PLCG2: variants seen among roughly 807,000 people sequenced by gnomAD.
PLCG2 encodes 1-phosphatidylinositol 4,5-bisphosphate phosphodiesterase gamma-2.
A neutral mutation model predicts 175.6 loss-of-function variants in PLCG2; 69 were observed. The observed-to-expected ratio is 0.39, with a 90% confidence interval of 0.32 to 0.48. The LOEUF (loss-of-function observed/expected upper bound fraction) is 0.48. Among genes scored for constraint, PLCG2 ranks in the 20% least tolerant of loss-of-function variants. PLCG2 has a pLI of 0.91. For missense variants in PLCG2, 1,798 were observed against 1,650.9 expected (o/e 1.09, Z -1.54); for synonymous variants, 827 against 624.0 (o/e 1.33, Z -4.85).
At chr16:81,827,692 C>T (rs1225380260) in intron 2 of PLCG2, among the ~76,000 whole-genome samples, 1 of 152,054 alleles carries the variant, frequency 6.6e-6, no homozygotes, top group Non-Finnish European at 1.5e-5. Flanking sequence ...TGCATGTGTG[C>T]CTGGTGTAAA....
intron 24 of PLCG2, among the ~76,000 whole-genome samples, chr16:81,929,535 A>G (rs1376436732): frequency 1.3e-5 from 2 of 152,140 alleles, no homozygotes; most frequent in South Asian, 2.1e-4. Flanking sequence ...AGCCGGGACT[A>G]CAGGCATGGG....
chr16:81,843,239 C>A (rs1481964020), intron 2 of PLCG2, among the ~76,000 whole-genome samples: 2 of 152,140 alleles, frequency 1.3e-5, no homozygotes, highest in African/African-American at 4.8e-5. Flanking sequence ...GCAGACAAAG[C>A]CCTCCTTGAC....
intron 24 of PLCG2, 146 bp from the exon 25 acceptor site, chr16:81,931,351 T>C (rs979446727): frequency 7.6e-6 from 5 of 660,778 alleles, no homozygotes; most frequent in African/African-American, 7.2e-5. Flanking sequence ...CTTACCCCGA[T>C]GGAAAGTAGA....
chr16:81,940,101 T>G (rs748743758), intron 30 of PLCG2, 42 bp downstream of exon 30: 8 of 1,541,196 alleles, frequency 5.2e-6, no homozygotes, highest in Non-Finnish European at 7.1e-6. Context: ...TGGGCTGGCG[T>G]TGTACTTTGG....
rs777064324 is a variant in PLCG2, at chr16:81,822,279, G to A, written c.194-32165G>A. Among the ~76,000 whole-genome samples the A allele has an allele frequency of 2.8e-4, 42 of 152,098 alleles. 1 individual carries two copies. The highest frequency in any genetic ancestry group is 8.8e-5 in the Non-Finnish European group (6 of 68,026). On this transcript the variant is annotated intron_variant, in intron 2 of 32. Transcript: ENST00000564138. ...TCAGTGGACAGGGTGTTGAAGGGTC[G>A]GCATAGGTGGTAAGCATGATTGATG...
At chr16:81,788,129 T>G (rs1199973861) in intron 2 of PLCG2, among the ~76,000 whole-genome samples, 1 of 152,226 alleles carries the variant, frequency 6.6e-6, no homozygotes, top group Non-Finnish European at 1.5e-5. Context: ...TTCATCATTT[T>G]AGGAACTGTC....
chr16:81,775,470 C>G (rs1323999020), upstream of PLCG2, among the ~76,000 whole-genome samples: 2 of 152,130 alleles, frequency 1.3e-5, no homozygotes, highest in African/African-American at 4.8e-5. Context: ...TTCCCAGTAA[C>G]AATTCCTAAA....
At chr16:81,919,406 C>T in intron 19 of PLCG2, 78 bp from the exon 20 acceptor site, 1 of 1,120,954 alleles carries the variant, frequency 8.9e-7, no homozygotes, top group Non-Finnish European at 1.3e-6. Context: ...TAGGTTGTAT[C>T]TAATCAGTAG....
chr16:81,745,628 G>C lies in PLCG2; in HGVS notation c.-145+6243G>C, dbSNP rs143735234. Among the ~76,000 whole-genome samples the C allele has an allele frequency of 4.0e-3, 603 of 152,290 alleles. 4 individuals are homozygous for C. The highest frequency in any genetic ancestry group is 0.014 in the African/African-American group (575 of 41,564). The stretch of plus-strand genomic sequence containing the variant: ...CTGGGGATACAGAGATAAATTATGT[G>C]GATTTACTGTTCTCAAGGTGGGCAG... On this transcript the variant is annotated intron_variant, in intron 1 of 5. Transcript: ENST00000565054.
intron 2 of PLCG2, among the ~76,000 whole-genome samples, chr16:81,834,635 C>A (rs893127545): frequency 6.8e-5 from 9 of 132,588 alleles, no homozygotes; most frequent in South Asian, 2.3e-4. Context: ...AGAGCTGGGG[C>A]TCCTTGAGGG....
chr16:81,776,556 C>T (rs751722782), upstream of PLCG2, among the ~76,000 whole-genome samples: 85 of 152,212 alleles, frequency 5.6e-4, no homozygotes, highest in African/African-American at 1.6e-3. Flanking sequence ...TTGATGATGA[C>T]GACGATTGTT....
chr16:81,900,915 C>T (rs1909123023), intron 14 of PLCG2, 135 bp downstream of exon 14: 1 of 720,486 alleles, frequency 1.4e-6, no homozygotes. Flanking sequence ...CAAATCTGCT[C>T]TCCTTACTAA....
intron 2 of PLCG2, among the ~76,000 whole-genome samples, chr16:81,832,075 C>T (rs1018660915): frequency 6.6e-6 from 1 of 150,642 alleles, no homozygotes; most frequent in Non-Finnish European, 1.5e-5. Flanking sequence ...TTGTCGTCCT[C>T]CGGCCTCAGT....
At chr16:81,791,388 T>C (rs1911224389) in intron 2 of PLCG2, among the ~76,000 whole-genome samples, 1 of 152,154 alleles carries the variant, frequency 6.6e-6, no homozygotes, top group African/African-American at 2.4e-5. Context: ...TCATGTAATA[T>C]AAACAAGCAG....
chr16:81,916,517 T>C (rs1199076739), intron 19 of PLCG2, among the ~76,000 whole-genome samples: 1 of 152,200 alleles, frequency 6.6e-6, no homozygotes, highest in South Asian at 2.1e-4. Flanking sequence ...ACATGGTGTT[T>C]TGAAATATGT....
chr16:81,792,699 C>T (rs1426788895), intron 2 of PLCG2, among the ~76,000 whole-genome samples: 1 of 151,982 alleles, frequency 6.6e-6, no homozygotes, highest in African/African-American at 2.4e-5. Context: ...GGGGAAGCCT[C>T]TTGTAAAACT....
At chr16:81,792,659 GGCA>G (rs1475359077) in intron 2 of PLCG2, among the ~76,000 whole-genome samples, 3 of 152,094 alleles carry the variant, frequency 2.0e-5, no homozygotes, top group African/African-American at 7.2e-5. Context: ...TTCACATGGT[GGCA>G]GCAAGGAGAA....
At chr16:81,935,110 C>A (rs989025239) in intron 26 of PLCG2, among the ~76,000 whole-genome samples, 1 of 152,150 alleles carries the variant, frequency 6.6e-6, no homozygotes, top group African/African-American at 2.4e-5. Flanking sequence ...AACATTTATT[C>A]TTGCACAGTC....
Position 81,858,323 on chromosome 16 carries a change from C to A in PLCG2, c.398C>A (p.Ala133Glu), listed in dbSNP as rs61755444. The change falls in exon 4 of 33, where the codon GCG becomes GAG. Residue 133 changes from alanine to glutamate, a missense_variant. Transcript: ENST00000564138. ...GGCTTGAAAATCTTACACCAGGAAG[C>A]GATGAATGCGTCCACGCCCACCATT... ...LSGLKILHQE[A>E]MNASTPTIIE... 2 of 1,613,762 alleles carry A rather than the reference C, an allele frequency of 1.2e-6. No homozygotes were observed. Among genetic ancestry groups the A allele is most frequent in the South Asian group, 1.1e-5 (1 of 91,074 alleles).
Sources: gnomAD v4.1 joint callset for allele counts (sites outside exome capture counted in the v4.1 genomes callset) on GRCh38, gnomAD v4.1.1 for gene constraint, MANE v1.5 for transcripts, NCBI Gene and HGNC (gene_info 2026-07-23, HGNC 2026-07-21) for gene names.